MAF: variants seen among roughly 807,000 people sequenced by gnomAD.
The protein encoded by MAF is transcription factor Maf.
MAF carries 10 observed loss-of-function variants against 22.0 expected under a neutral mutation model. The observed-to-expected ratio is 0.45, with a 90% CI of 0.28 to 0.77. MAF has a LOEUF of 0.77. MAF is among the 30% of genes least tolerant of loss of function. The probability of loss-of-function intolerance (pLI) is 0.12; values close to 1 mark genes in which losing one functional copy is unlikely to be tolerated. For synonymous variants in MAF, 337 were observed against 255.8 expected (o/e 1.32, Z -3.03); for missense variants, 544 against 548.4 (o/e 0.99, Z 0.08).
At chr16:79,497,973 GAGTAACAAGAT>G in the MAF span, among the ~76,000 whole-genome samples, 510 of 152,298 alleles carry the variant, frequency 3.3e-3, no homozygotes, top group Middle Eastern at 6.8e-3. Flanking sequence ...ACCACTCTGA[GAGTAACAAGAT>G]ATGCACAGAG....
At chr16:79,287,328 A>G in the MAF span, among the ~76,000 whole-genome samples, 1 of 151,998 alleles carries the variant, frequency 6.6e-6, no homozygotes, top group Non-Finnish European at 1.5e-5. Flanking sequence ...GAGAGGAAGC[A>G]CTCCCGGGCC....
At chr16:79,543,529 G>A in the MAF span, among the ~76,000 whole-genome samples, 1 of 152,188 alleles carries the variant, frequency 6.6e-6, no homozygotes, top group Non-Finnish European at 1.5e-5. Context: ...GCCTTTGCGG[G>A]CAGGACAGAC....
the MAF span, among the ~76,000 whole-genome samples, chr16:79,294,616 T>C: frequency 1.4e-4 from 21 of 152,338 alleles, no homozygotes; most frequent in East Asian, 4.1e-3. Flanking sequence ...ATTTGATCCT[T>C]GACTCAAATG....
chr16:79,589,949 T>G (rs571759559), downstream of MAF, among the ~76,000 whole-genome samples: 1 of 152,162 alleles, frequency 6.6e-6, no homozygotes, highest in Non-Finnish European at 1.5e-5. Context: ...GCCGCGGGTC[T>G]GGGACTGCAG....
the MAF span, among the ~76,000 whole-genome samples, chr16:79,447,905 A>AAAAAAG: frequency 7.0e-4 from 60 of 85,754 alleles, no homozygotes; most frequent in Non-Finnish European, 9.5e-4. Context: ...AAAAAAAAAA[A>AAAAAAG]AAAAGAAAAG....
chr16:79,279,498 C>G, the MAF span, among the ~76,000 whole-genome samples: 1 of 152,166 alleles, frequency 6.6e-6, no homozygotes, highest in East Asian at 1.9e-4. Flanking sequence ...GGGGAAGAGG[C>G]TGAAGCGGGG....
At chr16:79,208,264 A>G in the MAF span, among the ~76,000 whole-genome samples, 1 of 152,194 alleles carries the variant, frequency 6.6e-6, no homozygotes, top group Non-Finnish European at 1.5e-5. Context: ...AGAAATTCTC[A>G]GTCCTGTGTC....
the MAF span, among the ~76,000 whole-genome samples, chr16:79,441,961 G>T: frequency 2.0e-5 from 3 of 152,348 alleles, no homozygotes; most frequent in African/African-American, 7.2e-5. Flanking sequence ...AGAGCAAAAG[G>T]TCATGTGAAG....
the MAF span, among the ~76,000 whole-genome samples, chr16:79,575,341 A>G: frequency 1.3e-5 from 2 of 152,154 alleles, no homozygotes; most frequent in Admixed American, 1.3e-4. Context: ...AACAAGAGAT[A>G]TACACCTGAC....
the MAF span, chr16:79,211,639 C>G: frequency 1.2e-6 from 2 of 1,614,096 alleles, no homozygotes; most frequent in African/African-American, 1.3e-5. Flanking sequence ...GTGTACTGTG[C>G]TGCTGTCCCA....
chr16:79,499,292 C>T, the MAF span, among the ~76,000 whole-genome samples: 2 of 152,090 alleles, frequency 1.3e-5, no homozygotes, highest in African/African-American at 2.4e-5. Context: ...ATGCTCATCA[C>T]AGAATGAAGG....
At chr16:79,370,105 C>G in the MAF span, among the ~76,000 whole-genome samples, 1 of 152,146 alleles carries the variant, frequency 6.6e-6, no homozygotes, top group Non-Finnish European at 1.5e-5. Context: ...GGATGTTTCT[C>G]TCCTCTAAAA....
chr16:79,527,026 G>T, the MAF span, among the ~76,000 whole-genome samples: 1 of 152,132 alleles, frequency 6.6e-6, no homozygotes, highest in African/African-American at 2.4e-5. Flanking sequence ...TTTGACAGGG[G>T]CCTCTTGGGA....
chr16:79,477,240 G>T, the MAF span, among the ~76,000 whole-genome samples: 1 of 152,216 alleles, frequency 6.6e-6, no homozygotes, highest in Non-Finnish European at 1.5e-5. Flanking sequence ...GACCACCAGA[G>T]CCTCTGTCAT....
At chr16:79,374,893 A>G in the MAF span, among the ~76,000 whole-genome samples, 3 of 152,218 alleles carry the variant, frequency 2.0e-5, no homozygotes, top group African/African-American at 7.2e-5. Context: ...GGGTATGAAA[A>G]TGAACTTGAT....
the MAF span, among the ~76,000 whole-genome samples, chr16:79,578,444 C>G: frequency 2.6e-5 from 4 of 151,932 alleles, no homozygotes; most frequent in Admixed American, 2.6e-4. Flanking sequence ...TACTTTCACA[C>G]GATGTATCAT....
chr16:79,419,346 C>T, the MAF span, among the ~76,000 whole-genome samples: 1 of 152,314 alleles, frequency 6.6e-6, no homozygotes, highest in Non-Finnish European at 1.5e-5. Flanking sequence ...TCACCTTTTC[C>T]TTACGTTTGA....
At chr16:79,334,859 GTGTA>G in the MAF span, among the ~76,000 whole-genome samples, 164 of 133,374 alleles carry the variant, frequency 1.2e-3, no homozygotes, top group Middle Eastern at 3.6e-3. Context: ...GTGTGTGTGT[GTGTA>G]TGTGTGTGTG....
At chr16:79,535,007 G>T in the MAF span, among the ~76,000 whole-genome samples, 158 of 152,258 alleles carry the variant, frequency 1.0e-3, 1 homozygote, top group African/African-American at 3.7e-3. Flanking sequence ...TAGGTAAACT[G>T]CTCTTACATC....
Sources: allele counts gnomAD v4.1 joint callset (sites outside exome capture counted in the v4.1 genomes callset), GRCh38; gene constraint gnomAD v4.1.1; transcripts MANE v1.5; gene names NCBI Gene and HGNC (gene_info 2026-07-23, HGNC 2026-07-21).